The following ITSN1 variants were observed in gnomAD, a reference collection of about 807,000 sequenced individuals.
ITSN1 encodes intersectin 1, also known as intersectin-1.
ITSN1 carries 58 observed loss-of-function variants against 239.8 expected under a neutral mutation model. The ratio of observed to expected loss-of-function variants is 0.24; its 90% CI spans 0.20 to 0.30. The LOEUF (loss-of-function observed/expected upper bound fraction) is 0.30. Among genes scored for constraint, ITSN1 ranks in the 10% least tolerant of loss-of-function variants. The pLI, the probability that ITSN1 is intolerant of heterozygous loss-of-function variation, is 1.00. For synonymous variants in ITSN1, 780 were observed against 770.8 expected, an observed-to-expected ratio of 1.01 and a Z score of -0.20; for missense variants, 1,558 against 2,103.3, an observed-to-expected ratio of 0.74 and a Z score of 5.07.
chr21:33,749,931 T>C (rs970988543), intron 5 of ITSN1, among the ~76,000 whole-genome samples: 2 of 152,210 alleles, frequency 1.3e-5, no homozygotes, highest in African/African-American at 4.8e-5. Context: ...CTCATCTTGT[T>C]TGTTCTGTCT....
chr21:33,872,601 A>T (rs1301173417), intron 33 of ITSN1, among the ~76,000 whole-genome samples: 1 of 152,056 alleles, frequency 6.6e-6, no homozygotes, highest in Non-Finnish European at 1.5e-5. Context: ...GCACGATCTC[A>T]GCTCACTGCA....
intron 1 of ITSN1, among the ~76,000 whole-genome samples, chr21:33,676,561 A>G (rs1313658345): frequency 1.3e-5 from 2 of 152,262 alleles, no homozygotes; most frequent in Admixed American, 1.3e-4. Context: ...TTTGTTCACT[A>G]GGGTCTTCAA....
At chr21:33,845,192 G>A (rs1260102634) in intron 29 of ITSN1, among the ~76,000 whole-genome samples, 2 of 151,914 alleles carry the variant, frequency 1.3e-5, no homozygotes, top group Admixed American at 6.6e-5. Flanking sequence ...GCATGACTGG[G>A]GGCCAGGGAT....
chr21:33,709,461 TGC>T (rs2092349701), intron 1 of ITSN1, among the ~76,000 whole-genome samples: 1 of 152,132 alleles, frequency 6.6e-6, no homozygotes, highest in Non-Finnish European at 1.5e-5. Context: ...TGTGCCACCA[TGC>T]CTGGCTGATT....
At chr21:33,829,441 C>T (rs560008140) in intron 26 of ITSN1, 183 bp from the exon 27 acceptor site, 11 of 632,702 alleles carry the variant, frequency 1.7e-5, no homozygotes, top group South Asian at 1.2e-4. Flanking sequence ...CCTTGAATGC[C>T]GTGTCTGCCT....
At chr21:33,868,433 TGGCGGGC>T (rs1982088509) in intron 33 of ITSN1, among the ~76,000 whole-genome samples, 1 of 152,200 alleles carries the variant, frequency 6.6e-6, no homozygotes, top group African/African-American at 2.4e-5. Context: ...GGCTCAGGCA[TGGCGGGC>T]TGCAGTCCCG....
intron 1 of ITSN1, among the ~76,000 whole-genome samples, chr21:33,685,434 C>T (rs935643039): frequency 6.6e-6 from 1 of 151,962 alleles, no homozygotes; most frequent in Non-Finnish European, 1.5e-5. Flanking sequence ...AATTATTTCA[C>T]CAAGAGTTGG....
chr21:33,823,142 AAAAT>A (rs1289687811), intron 24 of ITSN1, among the ~76,000 whole-genome samples: 1 of 152,246 alleles, frequency 6.6e-6, no homozygotes, highest in Admixed American at 6.5e-5. Flanking sequence ...CTCTTAGTTA[AAAAT>A]AAATGTAAAA....
chr21:33,778,231 G>T (rs188582544), intron 14 of ITSN1, among the ~76,000 whole-genome samples: 53 of 152,208 alleles, frequency 3.5e-4, no homozygotes, highest in African/African-American at 1.2e-3. Context: ...ATTCAACAGA[G>T]ATATTGGTTT....
intron 5 of ITSN1, 25 bp from the exon 6 acceptor site, chr21:33,750,118 G>T (rs2067446787): frequency 6.2e-7 from 1 of 1,609,362 alleles, no homozygotes; most frequent in Non-Finnish European, 8.5e-7. Context: ...GATGTGAATG[G>T]TGTTGAGCTG....
intron 1 of ITSN1, among the ~76,000 whole-genome samples, chr21:33,680,356 G>A (rs897305116): frequency 2.8e-5 from 4 of 140,740 alleles, no homozygotes; most frequent in Non-Finnish European, 6.0e-5. Flanking sequence ...TTTTGAGACA[G>A]GGTCTCTGTC....
intron 8 of ITSN1, among the ~76,000 whole-genome samples, chr21:33,758,857 G>A (rs908540860): frequency 7.2e-5 from 11 of 152,144 alleles, no homozygotes; most frequent in African/African-American, 2.7e-4. Flanking sequence ...TTATAAGCCA[G>A]TACTCCAAAA....
intron 4 of ITSN1, among the ~76,000 whole-genome samples, chr21:33,728,723 C>T (rs1007349848): frequency 1.3e-5 from 2 of 152,164 alleles, no homozygotes; most frequent in African/African-American, 4.8e-5. Context: ...CTCTGCCCAC[C>T]TCTTTCCCTT....
At chr21:33,763,618 G>A (rs1465796372) in intron 9 of ITSN1, among the ~76,000 whole-genome samples, 2 of 151,512 alleles carry the variant, frequency 1.3e-5, no homozygotes, top group African/African-American at 4.9e-5. Flanking sequence ...GATCAGATTT[G>A]ATTTTTTTTT....
rs1302375197 is a variant in ITSN1 at position 33,885,124 on chromosome 21, G to T, written c.4759+1G>T. On this transcript the variant is annotated splice_donor_variant, in intron 37 of 39. Coordinates refer to ENST00000381318, the MANE Select transcript of ITSN1 (RefSeq NM_003024.3). LOFTEE classifies it high-confidence loss of function. Reference sequence around the variant, plus strand: ...AAGAAGCGCGAGAAAGCGTACCTGGGTAATGCATGGCCCCGCGGGGTGTCC... The same window carrying T: ...AAGAAGCGCGAGAAAGCGTACCTGGTTAATGCATGGCCCCGCGGGGTGTCC... The T allele has an allele frequency of 6.2e-7, 1 of 1,613,034 alleles. No homozygotes were observed. Among genetic ancestry groups the T allele is most frequent in the Non-Finnish European group, 8.5e-7 (1 of 1,179,204 alleles).
intron 16 of ITSN1, among the ~76,000 whole-genome samples, chr21:33,785,214 A>T (rs1293154751): frequency 6.6e-6 from 1 of 152,228 alleles, no homozygotes; most frequent in Non-Finnish European, 1.5e-5. Context: ...TACTAAATCT[A>T]TATTAAGTGG....
chr21:33,873,327 C>T (rs907403535), intron 33 of ITSN1, among the ~76,000 whole-genome samples: 1 of 152,212 alleles, frequency 6.6e-6, no homozygotes, highest in African/African-American at 2.4e-5. Context: ...CAAATATGCC[C>T]TCGGCATTCT....
At chr21:33,874,540 G>A (rs1455819206) in intron 33 of ITSN1, among the ~76,000 whole-genome samples, 1 of 152,210 alleles carries the variant, frequency 6.6e-6, no homozygotes, top group Non-Finnish European at 1.5e-5. Flanking sequence ...CCCCAAGTGA[G>A]TGAACAGGTG....
rs539154329 is a variant in ITSN1 at position 33,816,820 on chromosome 21, G to A, written c.2728-1447G>A. 4.6e-5 allele frequency among the ~76,000 whole-genome samples: 7 copies of A among 152,250 alleles called. No individual in the cohort carries two copies. In the South Asian group the frequency reaches 1.2e-3, roughly 27 times the overall value. ...GAAGGTCGAGAATATACAATCTTAGGGGTGTTCGAAATCCAGGGAAACCCC... is the reference window on the plus strand; with the variant it reads ...GAAGGTCGAGAATATACAATCTTAGAGGTGTTCGAAATCCAGGGAAACCCC... On this transcript the variant is annotated intron_variant, in intron 22 of 39. Coordinates refer to ENST00000381318, the MANE Select transcript of ITSN1 (RefSeq NM_003024.3).
Sources: gnomAD v4.1 joint callset for allele counts (sites outside exome capture counted in the v4.1 genomes callset) on GRCh38, gnomAD v4.1.1 for gene constraint, MANE v1.5 for transcripts, NCBI Gene and HGNC (gene_info 2026-07-23, HGNC 2026-07-21) for gene names.